Variants in PCDHGA9 observed in about 807,000 individuals in gnomAD.
PCDHGA9 encodes the protein protocadherin gamma subfamily A, 9, also known as protocadherin gamma-A9.
Under a neutral mutation model 62.5 loss-of-function variants are expected in PCDHGA9, and 37 were observed. The observed-to-expected ratio is 0.59, with a 90% CI of 0.46 to 0.78. The LOEUF is 0.78. Ranked by LOEUF, PCDHGA9 falls within the 30% of genes least tolerant of loss-of-function variation. PCDHGA9 has a pLI of 0.00. For synonymous variants in PCDHGA9, 459 were observed against 484.6 expected, an observed-to-expected ratio of 0.95 and a Z score of 0.69; for missense variants, 1,138 against 1,166.2, an observed-to-expected ratio of 0.98 and a Z score of 0.35.
rs140933475 is a variant in PCDHGA9 at position 141,477,405 on chromosome 5, G to A, written c.2425-17402G>A. The A allele has an allele frequency of 3.8e-4, 608 of 1,614,076 alleles. No individual in the cohort carries two copies. The highest frequency in any genetic ancestry group is 4.6e-4 in the Non-Finnish European group (540 of 1,180,022). On this transcript the variant is annotated intron_variant, in intron 1 of 3. Transcript: ENST00000573521. This position sits in a 1 kb window ranked among gnomAD's most constrained non-coding sequence, Gnocchi z 4.9. ...GAATACAACCTCAGCATCACCGCCC[G>A]AGACGCCGGAACCCCTTCCCTCTCA...
At position 141,477,761 on chromosome 5, in the gene PCDHGA9, AC is replaced by A. The variant is rs754006143; in HGVS notation, c.2425-17044del. ...CGATGGGGGCACCCCGGTCCTAGCC[AC>A]CAACATCAGCGTGAACATATTTGTC... On this transcript the variant is annotated intron_variant, in intron 1 of 3. Coordinates refer to ENST00000573521, the MANE Select transcript of PCDHGA9 (RefSeq NM_018921.3). This position sits in a 1 kb window ranked among gnomAD's most constrained non-coding sequence, Gnocchi z 4.9. 5 of 1,613,854 alleles carry A rather than the reference AC, an allele frequency of 3.1e-6. No homozygotes were observed. Among genetic ancestry groups the A allele is most frequent in the Non-Finnish European group, 4.2e-6 (5 of 1,180,044 alleles).
chr5:141,478,549 A>G lies in PCDHGA9; in HGVS notation c.2425-16258A>G, dbSNP rs369095515. 8 of 1,602,904 alleles carry G rather than the reference A, an allele frequency of 5.0e-6. No individual in the cohort carries two copies. In the African/African-American group the frequency reaches 1.1e-4, roughly 21 times the overall value. On this transcript the variant is annotated intron_variant, in intron 1 of 3. Coordinates refer to ENST00000573521, the MANE Select transcript of PCDHGA9 (RefSeq NM_018921.3). ...CAGAGAGCGCCCCTCCCGGACAGGT[A>G]AGGTTTAGCAAGTCATGCTTGACCC...
rs1265360670 is a variant in PCDHGA9, at chr5:141,435,001, T to A, written c.2424+29625T>A. On this transcript the variant is annotated intron_variant, in intron 1 of 3. Transcript: ENST00000573521. ...TACTCTATATCATTTTCTAGCTGAATTTATCAATGATAATGCTCTTTTCCC... is the reference window on the plus strand; with the variant it reads ...TACTCTATATCATTTTCTAGCTGAAATTATCAATGATAATGCTCTTTTCCC... Among the ~76,000 whole-genome samples the A allele has an allele frequency of 3.9e-5, 6 of 152,120 alleles. No homozygotes were observed. In the East Asian group the frequency reaches 1.2e-3, roughly 29 times the overall value.
chr5:141,415,740 GTTTTTTTTTTTTTTTTT>G (rs57426385), intron 1 of PCDHGA9: 62 of 625,030 alleles, frequency 9.9e-5, no homozygotes, highest in East Asian at 4.1e-4. Flanking sequence ...GTTTATTAAG[GTTTTTTTTTTTTTTTTT>G]TTTTTTTTTT....
At chr5:141,406,448 A>G (rs149183502) in intron 1 of PCDHGA9, among the ~76,000 whole-genome samples, 1 of 152,348 alleles carries the variant, frequency 6.6e-6, no homozygotes, top group African/African-American at 2.4e-5. Context: ...TTCCATTTCT[A>G]TGACAGGAAA....
chr5:141,474,900 T>C (rs577411783), intron 1 of PCDHGA9, among the ~76,000 whole-genome samples: 2 of 152,368 alleles, frequency 1.3e-5, no homozygotes, highest in South Asian at 2.1e-4. Flanking sequence ...TCATTTCTTG[T>C]TCAAGGATAT....
At chr5:141,502,118 G>A (rs897244225) in intron 2 of PCDHGA9, among the ~76,000 whole-genome samples, 3 of 152,108 alleles carry the variant, frequency 2.0e-5, no homozygotes, top group African/African-American at 7.2e-5. Context: ...CCTCAGCCAG[G>A]CCCACAGAGC....
intron 1 of PCDHGA9, chr5:141,420,114 A>G: frequency 6.2e-7 from 1 of 1,614,032 alleles, no homozygotes; most frequent in Non-Finnish European, 8.5e-7. Context: ...CCCTATGCCT[A>G]TAATTTTTGT....
intron 1 of PCDHGA9, chr5:141,479,712 C>T (rs1488849933): frequency 6.6e-6 from 1 of 152,216 alleles, no homozygotes; most frequent in Non-Finnish European, 1.5e-5. Flanking sequence ...CCCTGTCCTT[C>T]CAGCCTTATT....
intron 1 of PCDHGA9, chr5:141,415,889 T>C: frequency 2.1e-6 from 2 of 942,152 alleles, no homozygotes; most frequent in Non-Finnish European, 2.9e-6. Context: ...TATTGACAAT[T>C]CCTAAGACAG....
chr5:141,428,297 T>G (rs2097131311), intron 1 of PCDHGA9: 5 of 712,160 alleles, frequency 7.0e-6, no homozygotes, highest in Non-Finnish European at 1.2e-5. Flanking sequence ...AAGCTGCAGA[T>G]TTACCTGGTC....
chr5:141,458,540 TTTTG>T (rs754668779), intron 1 of PCDHGA9, among the ~76,000 whole-genome samples: 43 of 150,468 alleles, frequency 2.9e-4, no homozygotes, highest in East Asian at 1.7e-3. Context: ...ATCAACTTTA[TTTTG>T]TTTGTTTGTT....
intron 1 of PCDHGA9, chr5:141,475,986 G>T: frequency 2.8e-6 from 3 of 1,089,866 alleles, no homozygotes; most frequent in Non-Finnish European, 3.9e-6. Context: ...CAGCCGGCGA[G>T]CAAATCAACG....
intron 1 of PCDHGA9, chr5:141,416,446 G>A (rs192789193): frequency 8.5e-5 from 13 of 152,284 alleles, no homozygotes; most frequent in East Asian, 5.8e-4. Context: ...GTAAATATGG[G>A]TTGGGAAGAC....
At chr5:141,505,583 T>C (rs2099846941) in intron 3 of PCDHGA9, 102 bp downstream of exon 3, 3 of 1,583,532 alleles carry the variant, frequency 1.9e-6, no homozygotes, top group Non-Finnish European at 2.6e-6. Flanking sequence ...ACCTGTGTAG[T>C]TTCTCCAGAT....
At chr5:141,483,640 G>T (rs1406049976) in intron 1 of PCDHGA9, among the ~76,000 whole-genome samples, 3 of 144,232 alleles carry the variant, frequency 2.1e-5, no homozygotes, top group Non-Finnish European at 4.5e-5. Flanking sequence ...GTATAGAGGG[G>T]TGTGTGTTTG....
chr5:141,433,767 G>T (rs1237334342), intron 1 of PCDHGA9, among the ~76,000 whole-genome samples: 1 of 151,532 alleles, frequency 6.6e-6, no homozygotes, highest in Non-Finnish European at 1.5e-5. Flanking sequence ...AACCTGGGAG[G>T]TGGAGGTTGC....
chr5:141,478,164 C>A (rs202185809), intron 1 of PCDHGA9: 2 of 1,614,010 alleles, frequency 1.2e-6, no homozygotes, highest in African/African-American at 1.3e-5. Context: ...GGCTCTGCCC[C>A]CCGGGAGCAG....
At chr5:141,422,639 C>G (rs777330051) in intron 1 of PCDHGA9, 1 of 1,612,662 alleles carries the variant, frequency 6.2e-7, no homozygotes. Flanking sequence ...AGGGGTGCCT[C>G]CATCTTCTCA....
Sources: allele counts gnomAD v4.1 joint callset (sites outside exome capture counted in the v4.1 genomes callset), GRCh38; gene constraint gnomAD v4.1.1; non-coding constraint Gnocchi (gnomAD v3.1); transcripts MANE v1.5; gene names NCBI Gene and HGNC (gene_info 2026-07-23, HGNC 2026-07-21).